Variants in ADGRL3 observed in about 807,000 individuals in gnomAD.
ADGRL3 encodes calcium-independent alpha-latrotoxin receptor 3.
A neutral mutation model predicts 153.5 loss-of-function variants in ADGRL3; 62 were observed. The ratio of observed to expected loss-of-function variants is 0.40; its 90% CI spans 0.33 to 0.50. ADGRL3 has a LOEUF of 0.50. ADGRL3 is among the 20% of genes least tolerant of loss of function. The pLI is 0.47. For synonymous variants in ADGRL3, 710 were observed against 672.5 expected, an observed-to-expected ratio of 1.06 and a Z score of -0.86; for missense variants, 1,641 against 1,859.4, an observed-to-expected ratio of 0.88 and a Z score of 2.16.
At chr4:61,482,864 T>A (rs2098145908) in intron 2 of ADGRL3, among the ~76,000 whole-genome samples, 1 of 152,194 alleles carries the variant, frequency 6.6e-6, no homozygotes, top group Non-Finnish European at 1.5e-5. Context: ...CTAGAATGGG[T>A]TGCTGCTTGG....
At chr4:61,456,862 A>C (rs335349) in intron 2 of ADGRL3, among the ~76,000 whole-genome samples, 102,703 of 151,678 alleles carry the variant, frequency 0.68, 36,416 homozygotes, top group East Asian at 0.93. Flanking sequence ...TTTTATTCTA[A>C]ATTTCTTTTT....
chr4:61,564,558 C>T (rs796878381), intron 4 of ADGRL3, among the ~76,000 whole-genome samples: 7 of 152,306 alleles, frequency 4.6e-5, no homozygotes, highest in African/African-American at 1.7e-4. Flanking sequence ...TAGGCTTGAG[C>T]CAGAGCGTTT....
At chr4:61,566,470 A>G (rs2098816706) in intron 4 of ADGRL3, among the ~76,000 whole-genome samples, 1 of 152,150 alleles carries the variant, frequency 6.6e-6, no homozygotes, top group African/African-American at 2.4e-5. Flanking sequence ...ACATAACAGG[A>G]GGGAAAGGTT....
Position 61,331,612 on chromosome 4 carries a change from G to T in ADGRL3, c.-239-51512G>T, listed in dbSNP as rs74555043. ...TGATTGTAAATTATTTTCCAATTTAGGCTTTCAAACTTGTTTGAGGTGATT... is the reference window on the plus strand; with the variant it reads ...TGATTGTAAATTATTTTCCAATTTATGCTTTCAAACTTGTTTGAGGTGATT... On this transcript the variant is annotated intron_variant, in intron 1 of 26. Coordinates refer to ENST00000683033, the MANE Select transcript of ADGRL3 (RefSeq NM_001387552.1). Among the ~76,000 whole-genome samples the T allele has an allele frequency of 1.6e-4, 25 of 151,972 alleles. No homozygotes were observed. The East Asian group carries it at 4.8e-3, about 29-fold the overall frequency.
At chr4:61,873,580 T>C (rs980725166) in intron 9 of ADGRL3, among the ~76,000 whole-genome samples, 2 of 152,164 alleles carry the variant, frequency 1.3e-5, no homozygotes, top group Non-Finnish European at 2.9e-5. Flanking sequence ...TTCCGTTTAT[T>C]TACAACCTTT....
intron 5 of ADGRL3, among the ~76,000 whole-genome samples, chr4:61,604,388 T>C (rs1002097215): frequency 1.3e-5 from 2 of 152,210 alleles, no homozygotes; most frequent in African/African-American, 4.8e-5. Context: ...ATTTCTGGTA[T>C]TATTGCTCTG....
At position 61,975,324 on chromosome 4, in the gene ADGRL3, C is replaced by T. The variant is rs1267365275; in HGVS notation, c.2806-4239C>T. Among the ~76,000 whole-genome samples, 3 of 152,032 alleles carry T rather than the reference C, an allele frequency of 2.0e-5. No homozygotes were observed. The South Asian group carries it at 6.2e-4, about 32-fold the overall frequency. ...TAAAAGGAGTGTGGCAAGTAAGCCA[C>T]GCAGATATCTTTTGGAAGAGTATTC... On this transcript the variant is annotated intron_variant, in intron 17 of 26. Coordinates refer to ENST00000683033, the MANE Select transcript of ADGRL3 (RefSeq NM_001387552.1).
intron 3 of ADGRL3, among the ~76,000 whole-genome samples, chr4:61,511,127 G>A (rs2098461473): frequency 6.6e-6 from 1 of 152,100 alleles, no homozygotes; most frequent in Non-Finnish European, 1.5e-5. Flanking sequence ...GGAGGGCAAG[G>A]TGGGCTGATC....
In ADGRL3 at chr4:61,726,768, A is replaced by T. The variant is rs546591680; in HGVS notation, c.584-3854A>T. 1.3e-3 allele frequency among the ~76,000 whole-genome samples: 199 copies of T among 152,230 alleles called. 1 individual carries two copies. The highest frequency in any genetic ancestry group is 4.5e-3 in the African/African-American group (187 of 41,546). ...CAAGGAAAAAAATTGTTTATAAATT[A>T]TTTAATATTTTATTACCATGTTATG... On this transcript the variant is annotated intron_variant, in intron 6 of 26. Transcript: ENST00000683033.
At chr4:61,619,288 C>T (rs182347529) in intron 5 of ADGRL3, among the ~76,000 whole-genome samples, 3 of 152,156 alleles carry the variant, frequency 2.0e-5, no homozygotes, top group Admixed American at 2.0e-4. Context: ...CTTGTTTTGT[C>T]TACTTTTTTA....
At chr4:61,214,828 C>T (rs1374698864) in intron 1 of ADGRL3, among the ~76,000 whole-genome samples, 1 of 152,098 alleles carries the variant, frequency 6.6e-6, no homozygotes, top group Non-Finnish European at 1.5e-5. Context: ...GTTCCAGCTC[C>T]TCAGGAGACT....
intron 17 of ADGRL3, among the ~76,000 whole-genome samples, chr4:61,949,109 A>G (rs983904757): frequency 6.6e-6 from 1 of 151,982 alleles, no homozygotes; most frequent in African/African-American, 2.4e-5. Context: ...ACCTGTAGAA[A>G]TGTATGGGGT....
chr4:62,048,534 T>C (rs928357642), intron 25 of ADGRL3, among the ~76,000 whole-genome samples: 3 of 152,028 alleles, frequency 2.0e-5, no homozygotes, highest in Admixed American at 2.0e-4. Context: ...GTGCTGGGAT[T>C]ACAGGCATGA....
chr4:61,598,745 A>G (rs965521303), intron 5 of ADGRL3, among the ~76,000 whole-genome samples: 9 of 152,200 alleles, frequency 5.9e-5, no homozygotes, highest in African/African-American at 2.2e-4. Context: ...ATTTCATGAA[A>G]AAATGTTATC....
At chr4:61,460,190 T>C (rs780792533) in intron 2 of ADGRL3, among the ~76,000 whole-genome samples, 6 of 152,190 alleles carry the variant, frequency 3.9e-5, no homozygotes, top group Non-Finnish European at 4.4e-5. Context: ...TGTTTTCATC[T>C]AGTAATTTTA....
At chr4:61,338,322 G>A (rs2151086793) in intron 1 of ADGRL3, among the ~76,000 whole-genome samples, 1 of 151,334 alleles carries the variant, frequency 6.6e-6, no homozygotes, top group African/African-American at 2.4e-5. Context: ...CAGAATCAAG[G>A]AAACATCTTT....
intron 2 of ADGRL3, among the ~76,000 whole-genome samples, chr4:61,487,120 C>T (rs1174306280): frequency 6.6e-6 from 1 of 152,210 alleles, no homozygotes; most frequent in Non-Finnish European, 1.5e-5. Context: ...AAGCTCCTCA[C>T]ATAAGCTCCT....
At chr4:61,249,728 T>G (rs1473042656) in intron 1 of ADGRL3, among the ~76,000 whole-genome samples, 2 of 152,126 alleles carry the variant, frequency 1.3e-5, no homozygotes, top group African/African-American at 4.8e-5. Context: ...ATAAATAAAA[T>G]TGAAAAGGAG....
chr4:61,870,522 A>G (rs1337120388), intron 9 of ADGRL3, among the ~76,000 whole-genome samples: 2 of 152,202 alleles, frequency 1.3e-5, no homozygotes, highest in Non-Finnish European at 2.9e-5. Flanking sequence ...GACAATCCAC[A>G]GAACTGGAGA....
Sources: gnomAD v4.1 joint callset for allele counts (sites outside exome capture counted in the v4.1 genomes callset) on GRCh38, gnomAD v4.1.1 for gene constraint, MANE v1.5 for transcripts, NCBI Gene and HGNC (gene_info 2026-07-23, HGNC 2026-07-21) for gene names.